Variants in PAICS observed in about 807,000 individuals in gnomAD.
The protein encoded by PAICS is bifunctional phosphoribosylaminoimidazole carboxylase/phosphoribosylaminoimidazole succinocarboxamide synthetase.
Under a neutral mutation model 53.7 loss-of-function variants are expected in PAICS, and 33 were observed. That is an observed-to-expected ratio of 0.61 (90% CI 0.47 to 0.82). PAICS has a LOEUF of 0.82. Ranked by LOEUF, PAICS falls within the 40% of genes least tolerant of loss-of-function variation. The pLI is 0.00. For synonymous variants in PAICS, 141 were observed against 167.2 expected (o/e 0.84, Z 1.21); for missense variants, 394 against 494.1 (o/e 0.80, Z 1.92).
the PAICS span, chr4:56,422,698 G>C: frequency 6.6e-6 from 1 of 152,082 alleles, no homozygotes; most frequent in East Asian, 1.9e-4. Context: ...ATGGGTTTTA[G>C]ATTTTATATC....
At chr4:56,449,400 C>T (rs553409504) in intron 5 of PAICS, among the ~76,000 whole-genome samples, 1 of 152,244 alleles carries the variant, frequency 6.6e-6, no homozygotes, top group African/African-American at 2.4e-5. Context: ...GAAATAGGAA[C>T]GCTTTTACAC....
intron 8 of PAICS, among the ~76,000 whole-genome samples, chr4:56,454,618 C>T (rs1172009621): frequency 6.6e-6 from 1 of 152,008 alleles, no homozygotes; most frequent in Non-Finnish European, 1.5e-5. Context: ...TATAACAATT[C>T]ATCCTCCCTT....
the PAICS span, among the ~76,000 whole-genome samples, chr4:56,412,532 G>A: frequency 5.9e-5 from 9 of 152,150 alleles, no homozygotes; most frequent in Non-Finnish European, 1.2e-4. Context: ...GAACTCCTGG[G>A]TTCAAGAGAT....
chr4:56,450,001 AT>A, intron 5 of PAICS, among the ~76,000 whole-genome samples: 1 of 151,982 alleles, frequency 6.6e-6, no homozygotes, highest in South Asian at 2.1e-4. Context: ...AAGAAAAAGA[AT>A]GAGATCATGT....
chr4:56,435,229 T>C, upstream of PAICS: 1 of 1,434,954 alleles, frequency 7.0e-7, no homozygotes, highest in Admixed American at 1.9e-5. Flanking sequence ...AGGCAGGTAC[T>C]GGCTTAGGTC....
chr4:56,414,909 C>T, the PAICS span, among the ~76,000 whole-genome samples: 1 of 152,096 alleles, frequency 6.6e-6, no homozygotes, highest in African/African-American at 2.4e-5. Flanking sequence ...ATTATAAAAC[C>T]TGATTTAAAA....
chr4:56,417,835 G>GTTTTTTTTTTTTTTTTTTTTTTTTTT, the PAICS span, among the ~76,000 whole-genome samples: 3 of 102,530 alleles, frequency 2.9e-5, no homozygotes, highest in African/African-American at 1.0e-4. Context: ...TGAAGATTTG[G>GTTTTTTTTTTTTTTTTTTTTTTTTTT]TTTTTTGTTT....
chr4:56,431,748 TTCTAGTC>T (rs1717594572), upstream of PAICS, among the ~76,000 whole-genome samples: 1 of 152,212 alleles, frequency 6.6e-6, no homozygotes, highest in Non-Finnish European at 1.5e-5. Context: ...GTCCAGGCCA[TTCTAGTC>T]TCCATAAAAT....
At chr4:56,449,361 GA>G (rs1166725434) in intron 5 of PAICS, among the ~76,000 whole-genome samples, 1 of 152,152 alleles carries the variant, frequency 6.6e-6, no homozygotes, top group East Asian at 1.9e-4. Context: ...AAAAAGTCAG[GA>G]AACAACAGAT....
At chr4:56,423,662 T>A in the PAICS span, among the ~76,000 whole-genome samples, 1 of 151,906 alleles carries the variant, frequency 6.6e-6, no homozygotes, top group African/African-American at 2.4e-5. Context: ...AGTACAAGTT[T>A]TTTTTTTTGT....
At chr4:56,420,735 G>A in the PAICS span, 11 of 152,218 alleles carry the variant, frequency 7.2e-5, no homozygotes, top group Middle Eastern at 6.8e-3. Context: ...GAAGAACTTA[G>A]AAAAATATAA....
intron 1 of PAICS, among the ~76,000 whole-genome samples, chr4:56,439,526 T>G (rs964078773): frequency 3.9e-5 from 6 of 152,120 alleles, no homozygotes; most frequent in Non-Finnish European, 8.8e-5. Flanking sequence ...CATGAGCCAC[T>G]GTTCCCGGCC....
chr4:56,454,574 G>T (rs1232093600), intron 8 of PAICS, among the ~76,000 whole-genome samples: 1 of 151,948 alleles, frequency 6.6e-6, no homozygotes, highest in East Asian at 1.9e-4. Flanking sequence ...TCCTTATATT[G>T]CATTTAGTTG....
At chr4:56,432,874 AG>A (rs1717673229), upstream of PAICS, among the ~76,000 whole-genome samples, 1 of 151,558 alleles carries the variant, frequency 6.6e-6, no homozygotes, top group Non-Finnish European at 1.5e-5. Context: ...ACCTTTTTGC[AG>A]TTGTTTTAAA....
rs191440557 is a variant in PAICS at position 56,440,258 on chromosome 4, T to G, written c.17-1405T>G. Among the ~76,000 whole-genome samples the G allele has an allele frequency of 1.4e-3, 214 of 152,118 alleles. 3 individuals are homozygous for G. Among genetic ancestry groups the G allele is most frequent in the Non-Finnish European group, 1.0e-3 (70 of 67,986 alleles). The stretch of plus-strand genomic sequence containing the variant: ...TAGATAGGAAATAGACAAATAAGAG[T>G]TTGGAGCAGTAAGCCAGGGCTGTAT... On this transcript the variant is annotated intron_variant, in intron 1 of 8. Transcript: ENST00000512576.
chr4:56,457,958 T>G (rs1305997093), intron 8 of PAICS, among the ~76,000 whole-genome samples: 1 of 152,210 alleles, frequency 6.6e-6, no homozygotes, highest in African/African-American at 2.4e-5. Flanking sequence ...AATTAAATTT[T>G]GTGCCTAAGC....
chr4:56,433,414 A>G (rs372849722), upstream of PAICS, among the ~76,000 whole-genome samples: 171 of 129,684 alleles, frequency 1.3e-3, no homozygotes, highest in African/African-American at 5.8e-3. Context: ...AAAAAAAAAG[A>G]AAAAAAAAAC....
At position 56,462,645 on chromosome 4, in the gene PAICS, T is replaced by C. The variant is rs780018949; in HGVS notation, c.*3107T>C. Reference sequence around the variant, plus strand: ...CCCATCATGGCACACAAATGTGTTATGTAATATCCATTTGGCAGACTGAAG... The same window carrying C: ...CCCATCATGGCACACAAATGTGTTACGTAATATCCATTTGGCAGACTGAAG... On this transcript the variant is annotated 3_prime_UTR_variant, in exon 9 of 9. Transcript: ENST00000512576. 9 of 152,216 alleles carry C rather than the reference T, an allele frequency of 5.9e-5. No homozygotes were observed. The highest frequency in any genetic ancestry group is 1.3e-4 in the Non-Finnish European group (9 of 68,036). 9.4% of individuals were successfully genotyped at this position (152,216 alleles called of 1,614,324 possible).
the PAICS span, among the ~76,000 whole-genome samples, chr4:56,411,409 A>G: frequency 6.6e-6 from 1 of 152,186 alleles, no homozygotes; most frequent in Non-Finnish European, 1.5e-5. Flanking sequence ...GAACAGCTCC[A>G]TTTTAACAAT....
Sources: gnomAD v4.1 joint callset for allele counts (sites outside exome capture counted in the v4.1 genomes callset) on GRCh38, gnomAD v4.1.1 for gene constraint, MANE v1.5 for transcripts, NCBI Gene and HGNC (gene_info 2026-07-23, HGNC 2026-07-21) for gene names.